The following CASK variants were observed in gnomAD, a reference collection of about 807,000 sequenced individuals.
CASK encodes the protein calcium/calmodulin dependent serine protein kinase.
Under a neutral mutation model 82.9 loss-of-function variants are expected in CASK, and 4 were observed. The observed-to-expected ratio is 0.05, with a 90% CI of 0.02 to 0.11. CASK has a LOEUF of 0.11. Among genes scored for constraint, CASK ranks in the 10% least tolerant of loss-of-function variants. CASK has a pLI of 1.00. For synonymous variants in CASK, 259 were observed against 253.5 expected, an observed-to-expected ratio of 1.02 and a Z score of -0.20; for missense variants, 358 against 720.9, an observed-to-expected ratio of 0.50 and a Z score of 5.76.
intron 1 of CASK, among the ~76,000 whole-genome samples, chrX:41,921,055 A>G (rs1330278177): frequency 1.8e-5 from 2 of 112,132 alleles, no homozygotes; most frequent in African/African-American, 3.2e-5. Context: ...TGCTATTCAC[A>G]TGTGGCTACT....
intron 4 of CASK, among the ~76,000 whole-genome samples, chrX:41,743,207 T>A (rs752794769): frequency 9.0e-6 from 1 of 111,545 alleles, no homozygotes; most frequent in Non-Finnish European, 1.9e-5. Context: ...TTCACATCAA[T>A]CCTGTCAGCA....
At chrX:41,551,989 C>T (rs1212575618) in intron 21 of CASK, among the ~76,000 whole-genome samples, 4 of 107,104 alleles carry the variant, frequency 3.7e-5, no homozygotes, top group African/African-American at 1.0e-4. Context: ...TGCAGTGGCG[C>T]GATCACGGCT....
chrX:41,829,628 T>C lies in CASK; in HGVS notation c.172+23487A>G, dbSNP rs5917451. Reference sequence around the variant, plus strand: ...TTTGTTTTTTTTTTTTTTGGGGGGGTGGGGGTGAACATATGTTAAGACATT... The same window carrying C: ...TTTGTTTTTTTTTTTTTTGGGGGGGCGGGGGTGAACATATGTTAAGACATT... On this transcript the variant is annotated intron_variant, in intron 2 of 26. Coordinates refer to ENST00000378163, the MANE Select transcript of CASK (RefSeq NM_001367721.1). Among the ~76,000 whole-genome samples the C allele has an allele frequency of 8.1e-4, 5 of 6,153 alleles. 1 individual carries two copies. The highest frequency in any genetic ancestry group is 1.9e-3 in the African/African-American group (2 of 1,036). The allele number at this position is 6,153 out of a possible 115,157, so 5.3% of individuals were successfully genotyped here.
At position 41,541,057 on chromosome X, in the gene CASK, A is replaced by C. The variant is rs184152187; in HGVS notation, c.2155+1634T>G. ...ACACTGCTGTACAAATTACAAGGTG[A>C]GATGCATACATTTCTCAATTTATAT... is the stretch of plus-strand genomic sequence containing the variant. On this transcript the variant is annotated intron_variant, in intron 22 of 26. Coordinates refer to ENST00000378163, the MANE Select transcript of CASK (RefSeq NM_001367721.1). Among the ~76,000 whole-genome samples the C allele has an allele frequency of 3.3e-3, 373 of 112,205 alleles. 1 individual carries two copies. Among genetic ancestry groups the C allele is most frequent in the Admixed American group, 5.6e-3 (59 of 10,544 alleles).
chrX:41,552,600 C>T (rs1265422212), intron 21 of CASK: 2 of 111,883 alleles, frequency 1.8e-5, no homozygotes, highest in East Asian at 5.6e-4. Flanking sequence ...TTAAAGATTG[C>T]TTTCCTCCTG....
Position 41,673,664 on chromosome X carries a change from C to G in CASK, c.430-2134G>C, listed in dbSNP as rs766808288. On this transcript the variant is annotated intron_variant, in intron 5 of 26. Coordinates refer to ENST00000378163, the MANE Select transcript of CASK (RefSeq NM_001367721.1). Reference sequence around the variant, plus strand: ...GGAAGCAAGTTCCAGATGAGAAGAACAGCCAATACAAAGGCCCACAGGAAT... The same window carrying G: ...GGAAGCAAGTTCCAGATGAGAAGAAGAGCCAATACAAAGGCCCACAGGAAT... Among the ~76,000 whole-genome samples the G allele has an allele frequency of 2.1e-4, 23 of 109,571 alleles. No individual in the cohort carries two copies. In the East Asian group the frequency reaches 6.6e-3, roughly 31 times the overall value.
chrX:41,732,782 G>A (rs2147700383), intron 5 of CASK, among the ~76,000 whole-genome samples: 1 of 107,438 alleles, frequency 9.3e-6, no homozygotes, highest in Non-Finnish European at 1.9e-5. Flanking sequence ...CCACGCTGGA[G>A]TGCAGTGATA....
At chrX:41,526,906 C>T (rs1008533480) in intron 25 of CASK, among the ~76,000 whole-genome samples, 19 of 111,173 alleles carry the variant, frequency 1.7e-4, no homozygotes, top group African/African-American at 5.6e-4. Context: ...CACACATTTC[C>T]TCGCTTGTTC....
chrX:41,644,391 T>C (rs1426821367), intron 8 of CASK, among the ~76,000 whole-genome samples: 1 of 112,463 alleles, frequency 8.9e-6, no homozygotes, highest in Non-Finnish European at 1.9e-5. Flanking sequence ...AAAGATTTCA[T>C]AGACACTTAT....
Position 41,747,736 on chromosome X carries a change from C to G in CASK, c.279-2135G>C, listed in dbSNP as rs758209535. Among the ~76,000 whole-genome samples the G allele has an allele frequency of 2.2e-4, 25 of 112,534 alleles. No individual in the cohort carries two copies. In the Admixed American group the frequency reaches 2.2e-3, roughly 10 times the overall value. Reference sequence around the variant, plus strand: ...GATTACAGGCATGAGCCACTGCGCCCGGCCTACAATAACACTTTTGATACA... The same window carrying G: ...GATTACAGGCATGAGCCACTGCGCCGGGCCTACAATAACACTTTTGATACA... On this transcript the variant is annotated intron_variant, in intron 3 of 26. Transcript: ENST00000378163.
At chrX:41,835,892 G>T (rs925591641) in intron 2 of CASK, among the ~76,000 whole-genome samples, 1 of 112,165 alleles carries the variant, frequency 8.9e-6, no homozygotes, top group Non-Finnish European at 1.9e-5. Flanking sequence ...AGCAAGACAA[G>T]TATAAACTTT....
Position 41,559,664 on chromosome X carries a change from A to C in CASK, c.1737+115T>G. 20 of 607,005 alleles carry C rather than the reference A, an allele frequency of 3.3e-5. No individual in the cohort carries two copies. In the South Asian group the frequency reaches 4.5e-4, roughly 14 times the overall value. The allele number at this position is 607,005 out of a possible 1,213,427, so 50.0% of individuals were successfully genotyped here. A position where few individuals can be genotyped will look rare whatever the true frequency, so the allele number is the denominator to read the frequency against. ...TATCTTTGTTGTAAAATTGGTGTGC[A>C]GTGATCTAACAGCACAGGCAGAAAC... On this transcript the variant is annotated intron_variant, in intron 18 of 26. Transcript: ENST00000378163.
chrX:41,535,406 G>A (rs2064860850), intron 22 of CASK, among the ~76,000 whole-genome samples: 1 of 110,852 alleles, frequency 9.0e-6, no homozygotes, highest in African/African-American at 3.3e-5. Context: ...AGTTAACCAG[G>A]AGAGGGGCCA....
chrX:41,919,284 G>A (rs1398094778), intron 1 of CASK: 2 of 111,893 alleles, frequency 1.8e-5, no homozygotes, highest in Admixed American at 9.5e-5. Flanking sequence ...AAAGTTGCAC[G>A]TCATCCTTAA....
intron 9 of CASK, among the ~76,000 whole-genome samples, chrX:41,632,510 C>T (rs1158695776): frequency 1.8e-5 from 2 of 111,823 alleles, no homozygotes; most frequent in Admixed American, 9.5e-5. Flanking sequence ...ATCAGTCACA[C>T]GTGGTATTGA....
intron 6 of CASK, among the ~76,000 whole-genome samples, chrX:41,669,429 A>G (rs1381611675): frequency 1.8e-5 from 2 of 111,682 alleles, no homozygotes; most frequent in African/African-American, 3.3e-5. Context: ...CTAAATACCA[A>G]CAGGATATAG....
intron 12 of CASK, among the ~76,000 whole-genome samples, chrX:41,597,774 T>A (rs184681458): frequency 8.9e-5 from 10 of 111,965 alleles, no homozygotes; most frequent in Non-Finnish European, 3.8e-5. Context: ...TGGAACTGAT[T>A]TTCTGAAGTT....
chrX:41,620,770 A>C (rs187052108), intron 11 of CASK, among the ~76,000 whole-genome samples: 1 of 112,328 alleles, frequency 8.9e-6, no homozygotes, highest in Non-Finnish European at 1.9e-5. Flanking sequence ...TATTTTGGAC[A>C]TAAGCATCTG....
chrX:41,728,098 C>T (rs1301324988), intron 5 of CASK: 5 of 540,792 alleles, frequency 9.2e-6, no homozygotes, highest in Non-Finnish European at 1.4e-5. Flanking sequence ...ATTAGGGACA[C>T]TAAACTACAT....
Sources: gnomAD v4.1 joint callset for allele counts (sites outside exome capture counted in the v4.1 genomes callset) on GRCh38, gnomAD v4.1.1 for gene constraint, MANE v1.5 for transcripts, NCBI Gene and HGNC (gene_info 2026-07-23, HGNC 2026-07-21) for gene names.